The following NME7 variants were observed in gnomAD, a reference collection of about 807,000 sequenced individuals.
The protein encoded by NME7 is nucleoside diphosphate kinase 7.
Under a neutral mutation model 49.1 loss-of-function variants are expected in NME7, and 41 were observed. The observed-to-expected ratio is 0.83, with a 90% CI of 0.65 to 1.08. NME7 has a LOEUF of 1.08. Among genes scored for constraint, NME7 ranks in the 50% least tolerant of loss-of-function variants. The pLI, the probability that NME7 is intolerant of heterozygous loss-of-function variation, is 0.00. For synonymous variants in NME7, 139 were observed against 150.6 expected (o/e 0.92, Z 0.56); for missense variants, 423 against 463.4 (o/e 0.91, Z 0.80).
intron 7 of NME7, among the ~76,000 whole-genome samples, chr1:169,281,562 C>T (rs1230063638): frequency 2.0e-5 from 3 of 152,110 alleles, no homozygotes; most frequent in Non-Finnish European, 4.4e-5. Flanking sequence ...AAGCTTTTGC[C>T]CATTCAGTAT....
chr1:169,317,661 G>C (rs1571383987), intron 3 of NME7, among the ~76,000 whole-genome samples: 1 of 152,094 alleles, frequency 6.6e-6, no homozygotes. Context: ...TGAGGGAAAG[G>C]TTTCCCAAAG....
chr1:169,224,358 C>T (rs1243369782), intron 10 of NME7, among the ~76,000 whole-genome samples: 1 of 152,166 alleles, frequency 6.6e-6, no homozygotes, highest in Non-Finnish European at 1.5e-5. Flanking sequence ...GGAAACCATG[C>T]TTACCCCACC....
chr1:169,187,176 C>T (rs1200076), intron 10 of NME7, among the ~76,000 whole-genome samples: 96,292 of 151,796 alleles, frequency 0.63, 30,852 homozygotes, highest in East Asian at 0.93. Flanking sequence ...TTATGTATAA[C>T]TATGTGGTCA....
chr1:169,230,383 C>A (rs1557998235), intron 10 of NME7, among the ~76,000 whole-genome samples: 1 of 151,986 alleles, frequency 6.6e-6, no homozygotes, highest in African/African-American at 2.4e-5. Flanking sequence ...TATGGCCCCC[C>A]TATGTCAAAG....
At chr1:169,357,881 A>G (rs1292606836) in intron 1 of NME7, among the ~76,000 whole-genome samples, 1 of 152,088 alleles carries the variant, frequency 6.6e-6, no homozygotes, top group Non-Finnish European at 1.5e-5. Context: ...ATTTAAATTG[A>G]GTAGATATTC....
intron 10 of NME7, among the ~76,000 whole-genome samples, chr1:169,210,871 G>T (rs1014086679): frequency 6.6e-6 from 1 of 151,976 alleles, no homozygotes; most frequent in Non-Finnish European, 1.5e-5. Context: ...TGGCCTCATC[G>T]GGGCTTCCTT....
At chr1:169,322,257 CTG>C in intron 3 of NME7, 1 of 152,006 alleles carries the variant, frequency 6.6e-6, no homozygotes, top group Non-Finnish European at 1.5e-5. Flanking sequence ...TAAATCAAAA[CTG>C]AGAAAAAGAA....
intron 1 of NME7, among the ~76,000 whole-genome samples, chr1:169,353,737 C>A (rs1177720856): frequency 6.6e-6 from 1 of 151,874 alleles, no homozygotes; most frequent in Non-Finnish European, 1.5e-5. Context: ...AAAAATTGGG[C>A]AAAAAATCTC....
At chr1:169,144,711 A>G (rs1198015515) in intron 11 of NME7, among the ~76,000 whole-genome samples, 1 of 152,176 alleles carries the variant, frequency 6.6e-6, no homozygotes, top group East Asian at 1.9e-4. Context: ...ATGTATGTTA[A>G]CCTGAGAAGG....
chr1:169,272,361 T>A (rs1649518676), intron 7 of NME7, among the ~76,000 whole-genome samples: 1 of 133,384 alleles, frequency 7.5e-6, no homozygotes, highest in African/African-American at 2.5e-5. Context: ...AAATGTGTGC[T>A]ATGGTGGTTT....
chr1:169,294,376 C>T (rs34408435), intron 6 of NME7, among the ~76,000 whole-genome samples: 37,224 of 151,924 alleles, frequency 0.25, 5,526 homozygotes, highest in Non-Finnish European at 0.34. Flanking sequence ...GAAAATAATG[C>T]TAAATTTTAA....
At chr1:169,290,472 C>T (rs1650454122) in intron 6 of NME7, among the ~76,000 whole-genome samples, 2 of 152,070 alleles carry the variant, frequency 1.3e-5, no homozygotes, top group Admixed American at 1.3e-4. Flanking sequence ...ATGCAGAAAA[C>T]AGAAACTGGA....
chr1:169,358,779 G>A lies in NME7; in HGVS notation c.3+8929C>T, dbSNP rs181489825. Among the ~76,000 whole-genome samples the A allele has an allele frequency of 7.9e-5, 12 of 152,196 alleles. 1 individual carries two copies. Among genetic ancestry groups the A allele is most frequent in the Admixed American group, 7.2e-4 (11 of 15,276 alleles). On this transcript the variant is annotated intron_variant, in intron 1 of 11. Transcript: ENST00000367811. The stretch of plus-strand genomic sequence containing the variant: ...TAATGTATAGAAATACCAGTTTAGA[G>A]TTTAGAAGAAACAGGCACCATGGTA...
chr1:169,265,193 A>G (rs1649283336), intron 7 of NME7, among the ~76,000 whole-genome samples: 1 of 133,050 alleles, frequency 7.5e-6, no homozygotes, highest in South Asian at 2.3e-4. Flanking sequence ...GCCAAACCAT[A>G]TCACCACATG....
In NME7 at chr1:169,323,835, CTTTTTT is replaced by C. The variant is rs33970981; in HGVS notation, c.111+552_112-553del. ...AAAACATGAATAATCCCATTTCAGT[CTTTTTT>C]TTTTTTTTTTTTTTTTTTTTGAGAC... On this transcript the variant is annotated intron_variant, in intron 2 of 11. Coordinates refer to ENST00000367811, the MANE Select transcript of NME7 (RefSeq NM_013330.5). Among the ~76,000 whole-genome samples the C allele has an allele frequency of 1.6e-3, 133 of 84,302 alleles. 1 individual carries two copies. Among genetic ancestry groups the C allele is most frequent in the African/African-American group, 6.0e-3 (129 of 21,330 alleles). The allele number at this position is 84,302 out of a possible 152,430, so 55.3% of individuals were successfully genotyped here.
intron 10 of NME7, among the ~76,000 whole-genome samples, chr1:169,205,937 A>C (rs1180191149): frequency 6.6e-6 from 1 of 152,080 alleles, no homozygotes; most frequent in African/African-American, 2.4e-5. Context: ...TATACTAAGC[A>C]TACTCCAGCT....
chr1:169,216,466 C>T (rs1660976720), intron 10 of NME7, among the ~76,000 whole-genome samples: 1 of 152,262 alleles, frequency 6.6e-6, no homozygotes, highest in Non-Finnish European at 1.5e-5. Flanking sequence ...CCAGAGACAG[C>T]ATGGAAACTC....
chr1:169,198,180 C>G (rs901484808), intron 10 of NME7, among the ~76,000 whole-genome samples: 1 of 151,912 alleles, frequency 6.6e-6, no homozygotes, highest in Non-Finnish European at 1.5e-5. Context: ...ACTGAGATGG[C>G]TAGAATTAAA....
intron 7 of NME7, among the ~76,000 whole-genome samples, chr1:169,254,215 C>G (rs931074816): frequency 6.6e-6 from 1 of 150,828 alleles, no homozygotes; most frequent in Non-Finnish European, 1.5e-5. Context: ...GGTTGGTAAG[C>G]TATTGATTCT....
Sources: allele counts gnomAD v4.1 joint callset (sites outside exome capture counted in the v4.1 genomes callset), GRCh38; gene constraint gnomAD v4.1.1; transcripts MANE v1.5; gene names NCBI Gene and HGNC (gene_info 2026-07-23, HGNC 2026-07-21).